The following UHRF2 variants were observed in gnomAD, a reference collection of about 807,000 sequenced individuals.
UHRF2 encodes the protein E3 ubiquitin-protein ligase UHRF2.
UHRF2 carries 23 observed loss-of-function variants against 96.8 expected under a neutral mutation model. That is an observed-to-expected ratio of 0.24 (90% CI 0.17 to 0.34). UHRF2 has a LOEUF of 0.34. UHRF2 is among the 10% of genes least tolerant of loss of function. The pLI, the probability that UHRF2 is intolerant of heterozygous loss-of-function variation, is 1.00. For synonymous variants in UHRF2, 385 were observed against 332.6 expected (o/e 1.16, Z -1.72); for missense variants, 685 against 981.5 (o/e 0.70, Z 4.04).
chr9:6,470,612 A>T (rs1823186378), intron 4 of UHRF2, among the ~76,000 whole-genome samples: 2 of 152,096 alleles, frequency 1.3e-5, no homozygotes, highest in Admixed American at 1.3e-4. Context: ...AATTTTTTTT[A>T]AATAGTGAAC....
intron 3 of UHRF2, among the ~76,000 whole-genome samples, chr9:6,436,551 A>G (rs901254319): frequency 6.6e-6 from 1 of 152,252 alleles, no homozygotes; most frequent in African/African-American, 2.4e-5. Context: ...ATTCTGGCCA[A>G]TAAGAGTTAT....
intron 2 of UHRF2, among the ~76,000 whole-genome samples, chr9:6,432,833 C>T (rs1407122981): frequency 6.6e-6 from 1 of 151,178 alleles, no homozygotes; most frequent in Non-Finnish European, 1.5e-5. Context: ...TAAAAGGGCT[C>T]TGGCCATTTT....
At chr9:6,481,941 C>A (rs372041814) in intron 7 of UHRF2, 51 bp from the exon 8 acceptor site, 370 of 1,591,462 alleles carry the variant, frequency 2.3e-4, no homozygotes, top group Non-Finnish European at 3.0e-4. Context: ...TAAGGGCTTT[C>A]ATTAAAATTT....
chr9:6,448,092 A>G (rs187277780), intron 3 of UHRF2, among the ~76,000 whole-genome samples: 3 of 152,348 alleles, frequency 2.0e-5, no homozygotes, highest in Admixed American at 1.3e-4. Flanking sequence ...CGTAAAGCCT[A>G]CAAAGCCTAC....
At chr9:6,478,913 G>A (rs915764245) in intron 6 of UHRF2, among the ~76,000 whole-genome samples, 2 of 151,896 alleles carry the variant, frequency 1.3e-5, no homozygotes, top group Admixed American at 6.6e-5. Flanking sequence ...TTCCTCTGAC[G>A]TCTCATATTT....
intron 4 of UHRF2, among the ~76,000 whole-genome samples, chr9:6,472,745 T>C (rs912996217): frequency 1.3e-5 from 2 of 152,188 alleles, no homozygotes; most frequent in Admixed American, 6.5e-5. Flanking sequence ...AAATTTAAAG[T>C]GTTTTCAGTA....
chr9:6,493,478 A>G (rs1824790381), intron 9 of UHRF2, among the ~76,000 whole-genome samples: 2 of 152,226 alleles, frequency 1.3e-5, no homozygotes, highest in African/African-American at 4.8e-5. Context: ...ACAAGCTAGT[A>G]TTGATAAGTT....
chr9:6,418,804 G>A (rs1372124737), intron 1 of UHRF2, among the ~76,000 whole-genome samples: 2 of 152,138 alleles, frequency 1.3e-5, no homozygotes, highest in Admixed American at 1.3e-4. Flanking sequence ...TTGTACTAAT[G>A]TACCAAAACC....
In UHRF2 at chr9:6,479,431, G is replaced by A. The variant is rs557705209; in HGVS notation, c.1160+1623G>A. 1.3e-4 allele frequency among the ~76,000 whole-genome samples: 20 copies of A among 151,936 alleles called. No homozygotes were observed. The South Asian group carries it at 1.7e-3, about 13-fold the overall frequency. ...CTTCTTAGTCTCTTGTTGGGTTCCC[G>A]TCACCTACCAGATTTCAGAGCACCC... is the stretch of plus-strand genomic sequence containing the variant. On this transcript the variant is annotated intron_variant, in intron 6 of 15. Coordinates refer to ENST00000276893, the MANE Select transcript of UHRF2 (RefSeq NM_152896.3).
Position 6,419,406 on chromosome 9 carries a change from A to G in UHRF2, c.154-1506A>G, listed in dbSNP as rs12555617. ...TTGATAATTGCAGATCGATAGAATT[A>G]GAGAACTTCAGGCAAGTGGAGTAAC... On this transcript the variant is annotated intron_variant, in intron 1 of 15. Transcript: ENST00000276893. 4.4e-3 allele frequency among the ~76,000 whole-genome samples: 668 copies of G among 152,338 alleles called. 20 individuals are homozygous for G. The highest frequency in any genetic ancestry group is 0.031 in the Admixed American group (472 of 15,300).
intron 3 of UHRF2, among the ~76,000 whole-genome samples, chr9:6,453,459 A>G (rs944802496): frequency 6.6e-6 from 1 of 152,216 alleles, no homozygotes; most frequent in Non-Finnish European, 1.5e-5. Context: ...TCTGTCTTAC[A>G]TGGACTTAAG....
At chr9:6,452,648 G>A (rs1326003122) in intron 3 of UHRF2, among the ~76,000 whole-genome samples, 2 of 152,200 alleles carry the variant, frequency 1.3e-5, no homozygotes, top group Non-Finnish European at 2.9e-5. Flanking sequence ...ATGGGACTAA[G>A]TAACTGGATA....
At chr9:6,488,014 G>T (rs1824412183) in intron 9 of UHRF2, among the ~76,000 whole-genome samples, 1 of 151,922 alleles carries the variant, frequency 6.6e-6, no homozygotes, top group Admixed American at 6.6e-5. Context: ...GCTGAAGTGG[G>T]TGAATCTCTT....
intron 2 of UHRF2, among the ~76,000 whole-genome samples, chr9:6,430,585 A>C (rs1391809151): frequency 6.6e-6 from 1 of 152,126 alleles, no homozygotes; most frequent in Non-Finnish European, 1.5e-5. Context: ...TGTAATCCCG[A>C]GTCCATGCAC....
chr9:6,463,720 C>G (rs555559021), intron 4 of UHRF2, among the ~76,000 whole-genome samples: 12 of 152,194 alleles, frequency 7.9e-5, no homozygotes, highest in East Asian at 1.9e-4. Flanking sequence ...ATCTGCCTGC[C>G]TCAGTCTCCC....
intron 14 of UHRF2, 57 bp downstream of exon 14, chr9:6,500,766 T>G: frequency 6.7e-7 from 1 of 1,502,750 alleles, no homozygotes; most frequent in East Asian, 2.4e-5. Flanking sequence ...GATAAATAAT[T>G]GTCTCATGAA....
At position 6,500,722 on chromosome 9, in the gene UHRF2, T is replaced by C; in HGVS notation, c.2163+13T>C. On this transcript the variant is annotated intron_variant, in intron 14 of 15. Coordinates refer to ENST00000276893, the MANE Select transcript of UHRF2 (RefSeq NM_152896.3). ...TGTGGAAGGACCAGTATGTGAAGAT[T>C]TTTTTAAATAATAACATTCTGATAT... 6.3e-7 allele frequency: 1 copy of C among 1,593,224 alleles called. No individual in the cohort carries two copies. Among genetic ancestry groups the C allele is most frequent in the Middle Eastern group, 1.7e-4 (1 of 5,916 alleles).
intron 3 of UHRF2, among the ~76,000 whole-genome samples, chr9:6,452,761 T>C (rs1192584987): frequency 6.6e-6 from 1 of 152,172 alleles, no homozygotes; most frequent in African/African-American, 2.4e-5. Context: ...GGTAGGGGGA[T>C]TCCATTTTGG....
In UHRF2 at chr9:6,471,654, G is replaced by T. The variant is rs568496113; in HGVS notation, c.864-3737G>T. On this transcript the variant is annotated intron_variant, in intron 4 of 15. Transcript: ENST00000276893. Reference sequence around the variant, plus strand: ...TGCACCCCTGACCAATGGCTTAACTGCAATCTCATGAAAGATCTTAAGCCA... The same window carrying T: ...TGCACCCCTGACCAATGGCTTAACTTCAATCTCATGAAAGATCTTAAGCCA... 1.2e-3 allele frequency among the ~76,000 whole-genome samples: 183 copies of T among 152,240 alleles called. 1 individual carries two copies. Among genetic ancestry groups the T allele is most frequent in the African/African-American group, 4.3e-3 (178 of 41,542 alleles).
Sources: allele counts gnomAD v4.1 joint callset (sites outside exome capture counted in the v4.1 genomes callset), GRCh38; gene constraint gnomAD v4.1.1; transcripts MANE v1.5; gene names NCBI Gene and HGNC (gene_info 2026-07-23, HGNC 2026-07-21).